ZNF420: variants seen among roughly 807,000 people sequenced by gnomAD.
ZNF420 encodes the protein zinc finger protein 420, also known as ATM and p53-associated KZNF protein.
Under a neutral mutation model 44.7 loss-of-function variants are expected in ZNF420, and 31 were observed. The ratio of observed to expected loss-of-function variants is 0.69; its 90% CI spans 0.52 to 0.94. The LOEUF is 0.94. ZNF420 is among the 40% of genes least tolerant of loss of function. ZNF420 has a pLI of 0.00. For synonymous variants in ZNF420, 245 were observed against 267.4 expected, an observed-to-expected ratio of 0.92 and a Z score of 0.82; for missense variants, 681 against 827.9, an observed-to-expected ratio of 0.82 and a Z score of 2.18.
At position 37,090,932 on chromosome 19, in the gene ZNF420, A is replaced by G; in HGVS notation, c.10-63A>G. On this transcript the variant is annotated intron_variant, in intron 3 of 4. Transcript: ENST00000337995. ...AAGACTCCATCTCAAAAAAAAAAAA[A>G]GAAAGAAAAAAAGAAAAGCATTTTT... The G allele has an allele frequency of 3.3e-6, 5 of 1,533,760 alleles. No individual in the cohort carries two copies. In the East Asian group the frequency reaches 9.5e-5, roughly 29 times the overall value.
At chr19:37,094,870 C>T (rs565370453) in intron 4 of ZNF420, among the ~76,000 whole-genome samples, 2 of 152,288 alleles carry the variant, frequency 1.3e-5, no homozygotes, top group South Asian at 2.1e-4. Flanking sequence ...CGGTGGCTCA[C>T]GCCTGTAATC....
At chr19:37,011,957 G>A (rs765621292) in intron 1 of ZNF420, among the ~76,000 whole-genome samples, 2 of 152,200 alleles carry the variant, frequency 1.3e-5, no homozygotes, top group Non-Finnish European at 2.9e-5. Context: ...GGGCTCATGT[G>A]TCAGTGAATT....
intron 4 of ZNF420, among the ~76,000 whole-genome samples, chr19:37,122,189 A>G (rs1037721599): frequency 1.3e-5 from 2 of 152,190 alleles, no homozygotes; most frequent in African/African-American, 4.8e-5. Flanking sequence ...CACTATTCAC[A>G]ATAGCAAAGA....
chr19:37,033,767 T>G (rs891488777), intron 1 of ZNF420, among the ~76,000 whole-genome samples: 1 of 152,190 alleles, frequency 6.6e-6, no homozygotes, highest in Non-Finnish European at 1.5e-5. Context: ...ATTTATTTAT[T>G]TATTTTTGAG....
At chr19:37,044,451 C>T (rs1162136151) in intron 1 of ZNF420, among the ~76,000 whole-genome samples, 3 of 152,210 alleles carry the variant, frequency 2.0e-5, no homozygotes, top group African/African-American at 7.2e-5. Flanking sequence ...ACCAGCCCCC[C>T]AGTAACAGAT....
chr19:37,010,637 C>G (rs2074562351), intron 1 of ZNF420, among the ~76,000 whole-genome samples: 1 of 152,048 alleles, frequency 6.6e-6, no homozygotes, highest in African/African-American at 2.4e-5. Flanking sequence ...CGATTTCTTG[C>G]ATATCGGCCT....
intron 3 of ZNF420, among the ~76,000 whole-genome samples, chr19:37,090,214 T>C (rs12460285): frequency 0.019 from 2,937 of 152,338 alleles, 78 homozygotes; most frequent in East Asian, 0.05. Context: ...GCAGAAAATA[T>C]GTGTAGCAGG....
rs770038058 is a variant in ZNF420 at position 37,127,361 on chromosome 19, A to T, written c.370A>T (p.Thr124Ser). The change falls in exon 5 of 5, where the codon ACT becomes TCT. Residue 124 changes from threonine (T) to serine (S), a missense_variant. Physicochemically the swap from Thr to Ser is moderately conservative, Grantham distance 58. Coordinates refer to ENST00000337995, the MANE Select transcript of ZNF420 (RefSeq NM_144689.5). Reference sequence around the variant, plus strand: ...CAAAATGTCCATTTTCAACCAGCATACTTACTTATCTCAACATTCAAGATG... The same window carrying T: ...CAAAATGTCCATTTTCAACCAGCATTCTTACTTATCTCAACATTCAAGATG... ...YDKMSIFNQH[T>S]YLSQHSRCHS... 1.6e-5 allele frequency: 26 copies of T among 1,612,870 alleles called. No individual in the cohort carries two copies. The highest frequency in any genetic ancestry group is 2.1e-5 in the Non-Finnish European group (25 of 1,179,008).
chr19:37,058,551 G>GCC (rs1272615839), intron 1 of ZNF420, among the ~76,000 whole-genome samples: 3 of 152,148 alleles, frequency 2.0e-5, no homozygotes, highest in African/African-American at 7.2e-5. Flanking sequence ...GTGGAGGGGT[G>GCC]AGGGTGGGGT....
intron 1 of ZNF420, among the ~76,000 whole-genome samples, chr19:37,038,993 AAAAAG>A (rs1555747846): frequency 6.6e-6 from 1 of 151,892 alleles, no homozygotes; most frequent in African/African-American, 2.4e-5. Flanking sequence ...TCTCAAAAAA[AAAAAG>A]AAAAGAAAAG....
intron 1 of ZNF420, among the ~76,000 whole-genome samples, chr19:37,042,094 A>G (rs1213000926): frequency 1.3e-5 from 2 of 152,094 alleles, no homozygotes; most frequent in Non-Finnish European, 2.9e-5. Context: ...CCGCCTCCCC[A>G]GTTCAAGCAA....
In ZNF420 at chr19:37,129,802, G is replaced by A. The variant is rs1971568172; in HGVS notation, c.*744G>A. The A allele has an allele frequency of 2.5e-6, 1 of 402,784 alleles. No homozygotes were observed. Among genetic ancestry groups the A allele is most frequent in the African/African-American group, 2.1e-5 (1 of 47,446 alleles). 25.0% of individuals were successfully genotyped at this position (402,784 alleles called of 1,614,324 possible). A position where few individuals can be genotyped will look rare whatever the true frequency, so the allele number is the denominator to read the frequency against. ...AGTGTATTATTGAGCACAGCTGTTAGAGAAGTGGGACAAGGTGTGAAGTGA... is the reference window on the plus strand; with the variant it reads ...AGTGTATTATTGAGCACAGCTGTTAAAGAAGTGGGACAAGGTGTGAAGTGA... On this transcript the variant is annotated 3_prime_UTR_variant, in exon 5 of 5. Transcript: ENST00000337995.
upstream of ZNF420, among the ~76,000 whole-genome samples, chr19:37,073,497 GGGAGGCCTA>G (rs1968092646): frequency 6.6e-6 from 1 of 152,124 alleles, no homozygotes; most frequent in African/African-American, 2.4e-5. Context: ...CCAACACTTT[GGGAGGCCTA>G]GGCGGGTGGA....
At position 37,037,275 on chromosome 19, in the gene ZNF420, G is replaced by C. The variant is rs144688763; in HGVS notation, c.-125+29193G>C. ...AGAGCTCTGGGTGGGCCGGGGTACAGTCAGTGGAGGGCCAGAGAGGCACCT... is the reference window on the plus strand; with the variant it reads ...AGAGCTCTGGGTGGGCCGGGGTACACTCAGTGGAGGGCCAGAGAGGCACCT... On this transcript the variant is annotated intron_variant, in intron 1 of 4. Coordinates refer to the ZNF420 transcript ENST00000587029. Among the ~76,000 whole-genome samples, 337 of 152,336 alleles carry C rather than the reference G, an allele frequency of 2.2e-3. 2 individuals carry two copies. The highest frequency in any genetic ancestry group is 7.9e-3 in the African/African-American group (329 of 41,576).
At chr19:37,089,668 T>C (rs1969025795) in intron 3 of ZNF420, among the ~76,000 whole-genome samples, 1 of 152,274 alleles carries the variant, frequency 6.6e-6, no homozygotes, top group South Asian at 2.1e-4. Context: ...ATGTATAAAT[T>C]TGGATTATGT....
chr19:37,041,166 A>C (rs1327327276), intron 1 of ZNF420, among the ~76,000 whole-genome samples: 1 of 152,058 alleles, frequency 6.6e-6, no homozygotes, highest in African/African-American at 2.4e-5. Flanking sequence ...TCTACTAAAA[A>C]TAAAAAATTA....
intron 4 of ZNF420, among the ~76,000 whole-genome samples, chr19:37,111,053 A>G (rs529682826): frequency 1.8e-4 from 27 of 152,296 alleles, no homozygotes; most frequent in African/African-American, 6.5e-4. Flanking sequence ...ATCTTGCCTG[A>G]CCAATTAATG....
At chr19:37,015,153 T>G (rs2074600575) in intron 1 of ZNF420, among the ~76,000 whole-genome samples, 1 of 152,226 alleles carries the variant, frequency 6.6e-6, no homozygotes, top group Non-Finnish European at 1.5e-5. Flanking sequence ...TCTTTCTGTG[T>G]GTGTGTGGTT....
At chr19:37,055,254 C>A (rs879699798) in intron 1 of ZNF420, among the ~76,000 whole-genome samples, 3 of 152,168 alleles carry the variant, frequency 2.0e-5, no homozygotes, top group Non-Finnish European at 2.9e-5. Context: ...AGTGAGGTGG[C>A]ACATGCCTGT....
Sources: allele counts gnomAD v4.1 joint callset (sites outside exome capture counted in the v4.1 genomes callset), GRCh38; gene constraint gnomAD v4.1.1; transcripts MANE v1.5; gene names NCBI Gene and HGNC (gene_info 2026-07-23, HGNC 2026-07-21).